The following LRRC37A2 variants were observed in gnomAD, a reference collection of about 807,000 sequenced individuals.
LRRC37A2 encodes leucine-rich repeat-containing protein 37A2.
A neutral mutation model predicts 68.8 loss-of-function variants in LRRC37A2; 9 were observed. The ratio of observed to expected loss-of-function variants is 0.13; its 90% CI spans 0.08 to 0.23. The LOEUF is 0.23. Ranked by LOEUF, LRRC37A2 falls within the 10% of genes least tolerant of loss-of-function variation. LRRC37A2 has a pLI of 1.00. For missense variants in LRRC37A2, 168 were observed against 950.4 expected (o/e 0.18, Z 10.82); for synonymous variants, 63 against 367.6 (o/e 0.17, Z 9.48).
intron 6 of LRRC37A2, among the ~76,000 whole-genome samples, chr17:46,533,503 T>C (rs1410068273): frequency 4.1e-5 from 6 of 147,080 alleles, no homozygotes; most frequent in Admixed American, 6.6e-5. Flanking sequence ...TTTCTTTTTT[T>C]TTTTTTTCTT....
chr17:47,002,225 G>A, the LRRC37A2 span, among the ~76,000 whole-genome samples: 1 of 152,062 alleles, frequency 6.6e-6, no homozygotes, highest in East Asian at 1.9e-4. Flanking sequence ...GTTTTTGTGG[G>A]TACATAGTAA....
At chr17:46,987,961 C>G in the LRRC37A2 span, among the ~76,000 whole-genome samples, 3 of 152,170 alleles carry the variant, frequency 2.0e-5, no homozygotes, top group African/African-American at 7.2e-5. Context: ...CACCTGAGGT[C>G]AGGAGTTTGG....
the LRRC37A2 span, among the ~76,000 whole-genome samples, chr17:47,015,503 T>C: frequency 0.19 from 29,229 of 150,834 alleles, 3,438 homozygotes; most frequent in East Asian, 0.55. Context: ...TGTAAGTATA[T>C]GCTATGATGT....
chr17:46,838,556 G>A, the LRRC37A2 span, among the ~76,000 whole-genome samples: 1 of 152,024 alleles, frequency 6.6e-6, no homozygotes, highest in African/African-American at 2.4e-5. Context: ...GAGCCTGGGA[G>A]GTCAAGGCTG....
chr17:46,952,073 T>A, the LRRC37A2 span, among the ~76,000 whole-genome samples: 1 of 152,228 alleles, frequency 6.6e-6, no homozygotes, highest in Non-Finnish European at 1.5e-5. Context: ...TGTTATTTTT[T>A]GTGAAGCTAT....
chr17:47,017,825 G>A, the LRRC37A2 span: 1 of 1,610,122 alleles, frequency 6.2e-7, no homozygotes, highest in African/African-American at 1.3e-5. Flanking sequence ...GGCCCTCTGA[G>A]CAAGTTGGAC....
the LRRC37A2 span, among the ~76,000 whole-genome samples, chr17:46,989,418 C>G: frequency 2.0e-5 from 3 of 152,222 alleles, no homozygotes; most frequent in African/African-American, 7.2e-5. Context: ...TTTGAGGAAT[C>G]GCTCTTCCCC....
At chr17:46,711,946 T>G in the LRRC37A2 span, among the ~76,000 whole-genome samples, 1 of 152,156 alleles carries the variant, frequency 6.6e-6, no homozygotes, top group Non-Finnish European at 1.5e-5. Flanking sequence ...TAGAAGCAGA[T>G]AGAAGCCAGT....
chr17:47,036,855 C>A, the LRRC37A2 span, among the ~76,000 whole-genome samples: 2 of 145,302 alleles, frequency 1.4e-5, no homozygotes, highest in African/African-American at 5.1e-5. Flanking sequence ...ACTAGCTTGT[C>A]ACTTTCTGGA....
the LRRC37A2 span, among the ~76,000 whole-genome samples, chr17:46,912,171 C>G: frequency 3.3e-5 from 5 of 152,232 alleles, no homozygotes. Flanking sequence ...CACACCTACT[C>G]CCTGCTCCGT....
the LRRC37A2 span, among the ~76,000 whole-genome samples, chr17:46,588,692 CAA>C: frequency 0.57 from 17,199 of 30,214 alleles, 7,080 homozygotes; most frequent in Non-Finnish European, 0.74. Context: ...GTCAAGGTGT[CAA>C]AAAAAAAAAA....
chr17:46,989,531 C>T, the LRRC37A2 span, among the ~76,000 whole-genome samples: 1 of 152,218 alleles, frequency 6.6e-6, no homozygotes, highest in Non-Finnish European at 1.5e-5. Flanking sequence ...ACTCTTCTGC[C>T]TGACCTTGAT....
chr17:46,924,522 T>G, the LRRC37A2 span: 1 of 152,242 alleles, frequency 6.6e-6, no homozygotes, highest in Non-Finnish European at 1.5e-5. Context: ...TTTTGTTGAT[T>G]AAAACACTTA....
At chr17:46,759,400 TGATTG>T in the LRRC37A2 span, among the ~76,000 whole-genome samples, 1 of 152,210 alleles carries the variant, frequency 6.6e-6, no homozygotes, top group African/African-American at 2.4e-5. Flanking sequence ...ATAGCGCCTG[TGATTG>T]GCAAGCATCC....
chr17:47,040,207 CTGAGGCTGAGGT>C, the LRRC37A2 span, among the ~76,000 whole-genome samples: 1 of 149,778 alleles, frequency 6.7e-6, no homozygotes, highest in Non-Finnish European at 1.5e-5. Flanking sequence ...CTTTGGGAGG[CTGAGGCTGAGGT>C]TGAGGCTGAG....
the LRRC37A2 span, among the ~76,000 whole-genome samples, chr17:47,013,074 GA>G: frequency 6.6e-6 from 1 of 152,206 alleles, no homozygotes; most frequent in Non-Finnish European, 1.5e-5. Flanking sequence ...AATGAACCTT[GA>G]AAACATTAAG....
At chr17:47,028,338 G>T in the LRRC37A2 span, 5 of 1,506,288 alleles carry the variant, frequency 3.3e-6, no homozygotes, top group Non-Finnish European at 4.6e-6. Context: ...GGCCTGGCAC[G>T]AAATGCAGTT....
At chr17:47,007,710 T>C in the LRRC37A2 span, 1 of 152,302 alleles carries the variant, frequency 6.6e-6, no homozygotes, top group East Asian at 1.9e-4. Flanking sequence ...AATTAATGTA[T>C]TTTGTAAATG....
the LRRC37A2 span, chr17:46,910,006 C>T: frequency 2.2e-4 from 34 of 152,590 alleles, no homozygotes; most frequent in African/African-American, 8.2e-4. Flanking sequence ...TCTAGAATGT[C>T]TCTGTCTGCA....
Sources: gnomAD v4.1 joint callset for allele counts (sites outside exome capture counted in the v4.1 genomes callset) on GRCh38, gnomAD v4.1.1 for gene constraint, MANE v1.5 for transcripts, NCBI Gene and HGNC (gene_info 2026-07-23, HGNC 2026-07-21) for gene names.